Variants in PTCHD4 observed in about 807,000 individuals in gnomAD.
The protein encoded by PTCHD4 is patched domain containing 4, also known as patched domain-containing protein 4.
PTCHD4 carries 33 observed loss-of-function variants against 58.1 expected under a neutral mutation model. The ratio of observed to expected loss-of-function variants is 0.57; its 90% CI spans 0.43 to 0.76. PTCHD4 has a LOEUF of 0.76. Among genes scored for constraint, PTCHD4 ranks in the 30% least tolerant of loss-of-function variants. The pLI, the probability that PTCHD4 is intolerant of heterozygous loss-of-function variation, is 0.00. For synonymous variants in PTCHD4, 478 were observed against 409.6 expected (o/e 1.17, Z -2.02); for missense variants, 1,058 against 1,027.1 (o/e 1.03, Z -0.41).
chr6:47,985,301 T>C (rs998250020), intron 4 of PTCHD4, among the ~76,000 whole-genome samples: 2 of 152,028 alleles, frequency 1.3e-5, no homozygotes, highest in African/African-American at 4.8e-5. Flanking sequence ...ATGAAGAATA[T>C]GCTAAAACTG....
intron 1 of PTCHD4, among the ~76,000 whole-genome samples, chr6:48,072,476 C>A (rs991819190): frequency 7.9e-5 from 12 of 152,142 alleles, no homozygotes; most frequent in African/African-American, 1.9e-4. Flanking sequence ...CCTGGTACTA[C>A]AAAATGCTGC....
At chr6:48,039,014 G>A (rs571243137) in intron 3 of PTCHD4, among the ~76,000 whole-genome samples, 16 of 152,284 alleles carry the variant, frequency 1.1e-4, no homozygotes, top group African/African-American at 3.8e-4. Flanking sequence ...TAAAAATGCA[G>A]AGACTCCATG....
intron 4 of PTCHD4, among the ~76,000 whole-genome samples, chr6:47,936,835 A>G (rs1766016977): frequency 6.6e-6 from 1 of 152,242 alleles, no homozygotes; most frequent in Non-Finnish European, 1.5e-5. Flanking sequence ...TGATGAGTAC[A>G]ATAGAAAAAA....
At chr6:48,053,468 T>C (rs1764303521) in intron 3 of PTCHD4, among the ~76,000 whole-genome samples, 1 of 151,994 alleles carries the variant, frequency 6.6e-6, no homozygotes, top group South Asian at 2.1e-4. Context: ...CCTAGGAATT[T>C]AGTTTATCTT....
intron 1 of PTCHD4, among the ~76,000 whole-genome samples, chr6:48,087,084 C>G (rs1359895709): frequency 1.3e-5 from 2 of 152,176 alleles, no homozygotes; most frequent in African/African-American, 4.8e-5. Context: ...ACTCCTATCA[C>G]CTACCCACCA....
chr6:48,007,764 C>A (rs1762504857), intron 4 of PTCHD4, among the ~76,000 whole-genome samples: 1 of 152,194 alleles, frequency 6.6e-6, no homozygotes. Flanking sequence ...TTCTCTAAAT[C>A]ACTACACATA....
intron 4 of PTCHD4, among the ~76,000 whole-genome samples, chr6:47,969,720 A>G (rs939396917): frequency 4.6e-5 from 7 of 152,184 alleles, no homozygotes; most frequent in Non-Finnish European, 8.8e-5. Flanking sequence ...TTTTACCTCA[A>G]GCTGGCATAA....
chr6:48,019,459 G>C (rs147432223), intron 3 of PTCHD4, among the ~76,000 whole-genome samples: 1 of 152,110 alleles, frequency 6.6e-6, no homozygotes, highest in Non-Finnish European at 1.5e-5. Flanking sequence ...AGTACTGGCC[G>C]GGCGCTGTGG....
chr6:47,881,880 G>A (rs768153406), intron 4 of PTCHD4, among the ~76,000 whole-genome samples: 20 of 152,078 alleles, frequency 1.3e-4, no homozygotes, highest in Non-Finnish European at 2.5e-4. Context: ...GGAAAGATGA[G>A]TTTATCATAA....
At chr6:48,107,338 C>G (rs1765752960) in intron 1 of PTCHD4, among the ~76,000 whole-genome samples, 1 of 152,136 alleles carries the variant, frequency 6.6e-6, no homozygotes, top group Non-Finnish European at 1.5e-5. Context: ...CTGACAAAAA[C>G]AAGCAATGGG....
chr6:48,033,049 T>C (rs1025589236), intron 3 of PTCHD4, among the ~76,000 whole-genome samples: 1 of 152,140 alleles, frequency 6.6e-6, no homozygotes, highest in Admixed American at 6.6e-5. Flanking sequence ...GAATTGTGTG[T>C]CTTTTCTGAA....
In PTCHD4 at chr6:47,878,466, C is replaced by A. The variant is rs1261735567; in HGVS notation, c.2369G>T (p.Gly790Val). 1.2e-6 allele frequency: 2 copies of A among 1,613,418 alleles called. No individual in the cohort carries two copies. The highest frequency in any genetic ancestry group is 2.2e-5 in the South Asian group (2 of 91,052). Residue 790 changes from glycine to valine, a missense_variant, in exon 5 of 5, where the codon GGT becomes GTT. Transcript: ENST00000339488. ...TLFKCLLLTG[G>V]CTLLHCFVIL... ...AACAAAACAGTGCAGAAGTGTGCAA[C>A]CCCCAGTGAGCAGCAAGCATTTGAA...
intron 3 of PTCHD4, among the ~76,000 whole-genome samples, chr6:48,037,536 C>T (rs566722111): frequency 2.0e-5 from 3 of 152,212 alleles, no homozygotes; most frequent in South Asian, 4.1e-4. Context: ...TTTTTTAAAT[C>T]TCATTTTGAT....
chr6:48,034,682 C>G (rs1228472011), intron 3 of PTCHD4, among the ~76,000 whole-genome samples: 1 of 152,104 alleles, frequency 6.6e-6, no homozygotes, highest in Non-Finnish European at 1.5e-5. Flanking sequence ...CCATGGCATA[C>G]TACAGAATTT....
chr6:47,918,144 A>T lies in PTCHD4; in HGVS notation c.899-38208T>A, dbSNP rs533929075. Among the ~76,000 whole-genome samples the T allele has an allele frequency of 1.4e-3, 207 of 152,276 alleles. 1 individual carries two copies. Among genetic ancestry groups the T allele is most frequent in the Middle Eastern group, 3.4e-3 (1 of 294 alleles). ...CCCTCCAATAGCAGCTGCAGAGGGCATTCACAGACATTTGGACCTAAAAAA... is the reference window on the plus strand; with the variant it reads ...CCCTCCAATAGCAGCTGCAGAGGGCTTTCACAGACATTTGGACCTAAAAAA... On this transcript the variant is annotated intron_variant, in intron 4 of 4. Coordinates refer to ENST00000339488, the MANE Select transcript of PTCHD4 (RefSeq NM_001384253.1).
intron 4 of PTCHD4, among the ~76,000 whole-genome samples, chr6:47,952,232 A>G (rs1766681146): frequency 6.6e-6 from 1 of 152,136 alleles, no homozygotes; most frequent in Non-Finnish European, 1.5e-5. Context: ...AGCTTTTACA[A>G]TAGAGTTCCC....
chr6:48,064,490 C>A (rs539246402), intron 3 of PTCHD4, among the ~76,000 whole-genome samples: 1 of 152,150 alleles, frequency 6.6e-6, no homozygotes, highest in African/African-American at 2.4e-5. Context: ...AAGTATTTTA[C>A]TTAAAAATTC....
intron 3 of PTCHD4, among the ~76,000 whole-genome samples, chr6:48,057,908 T>G (rs573936469): frequency 6.6e-6 from 1 of 152,298 alleles, no homozygotes; most frequent in African/African-American, 2.4e-5. Flanking sequence ...GTAGACTAGG[T>G]TTAAGCCTGA....
chr6:48,059,655 C>A (rs1333025170), intron 3 of PTCHD4, among the ~76,000 whole-genome samples: 1 of 151,816 alleles, frequency 6.6e-6, no homozygotes, highest in Non-Finnish European at 1.5e-5. Flanking sequence ...AACAAACAAA[C>A]AAAAAAGTAC....
Sources: allele counts gnomAD v4.1 joint callset (sites outside exome capture counted in the v4.1 genomes callset), GRCh38; gene constraint gnomAD v4.1.1; transcripts MANE v1.5; gene names NCBI Gene and HGNC (gene_info 2026-07-23, HGNC 2026-07-21).